KIDINS220: variants seen among roughly 807,000 people sequenced by gnomAD.
KIDINS220 encodes kinase D-interacting substrate of 220 kDa.
Under a neutral mutation model 157.6 loss-of-function variants are expected in KIDINS220, and 63 were observed. The ratio of observed to expected loss-of-function variants is 0.40; its 90% CI spans 0.33 to 0.49. The LOEUF (loss-of-function observed/expected upper bound fraction) is 0.49, where lower values mean the gene tolerates loss of function less well. Ranked by LOEUF, KIDINS220 falls within the 20% of genes least tolerant of loss-of-function variation. KIDINS220 has a pLI of 0.66. For synonymous variants in KIDINS220, 732 were observed against 783.6 expected (o/e 0.93, Z 1.10); for missense variants, 1,772 against 2,171.2 (o/e 0.82, Z 3.65).
intron 6 of KIDINS220, among the ~76,000 whole-genome samples, chr2:8,807,323 C>T (rs1335977344): frequency 6.6e-6 from 1 of 152,178 alleles, no homozygotes; most frequent in Non-Finnish European, 1.5e-5. Flanking sequence ...TCAGCAGACA[C>T]ATGAATGTCC....
At chr2:8,757,869 G>T in intron 22 of KIDINS220, 1 of 1,281,132 alleles carries the variant, frequency 7.8e-7, no homozygotes, top group East Asian at 2.4e-5. Flanking sequence ...TTCTTTGTTG[G>T]TTTTGTTTTT....
intron 1 of KIDINS220, 38 bp from the exon 2 acceptor site, chr2:8,827,167 GA>G: frequency 1.3e-6 from 1 of 787,512 alleles, no homozygotes. Context: ...TTTATAATTA[GA>G]AAAAATTAAG....
At chr2:8,769,489 A>G (rs2148153153) in intron 22 of KIDINS220, among the ~76,000 whole-genome samples, 1 of 152,332 alleles carries the variant, frequency 6.6e-6, no homozygotes, top group South Asian at 2.1e-4. Context: ...TAACAACAAC[A>G]ATCTTGAGGA....
intron 24 of KIDINS220, 88 bp from the exon 25 acceptor site, chr2:8,748,088 A>C: frequency 1.6e-6 from 1 of 634,196 alleles, no homozygotes; most frequent in Non-Finnish European, 2.5e-6. Flanking sequence ...AATAAGATAC[A>C]ACTCCAAAAC....
At chr2:8,751,953 C>T (rs1247668860) in intron 22 of KIDINS220, among the ~76,000 whole-genome samples, 3 of 152,128 alleles carry the variant, frequency 2.0e-5, no homozygotes, top group African/African-American at 7.2e-5. Context: ...GATCCACCCA[C>T]CTCAGTCTCC....
intron 26 of KIDINS220, among the ~76,000 whole-genome samples, chr2:8,740,998 A>G (rs747172825): frequency 2.0e-5 from 3 of 152,176 alleles, no homozygotes; most frequent in East Asian, 1.9e-4. Flanking sequence ...AACATATTCA[A>G]TATCTGGGGC....
rs1433409782 is a variant in KIDINS220, at chr2:8,776,788, G to A, written c.2808C>T (p.Pro936=). The A allele has an allele frequency of 6.2e-7, 1 of 1,613,674 alleles. No homozygotes were observed. The highest frequency in any genetic ancestry group is 1.3e-5 in the African/African-American group (1 of 74,862). Residue 936 remains proline (P), a synonymous_variant, in exon 21 of 30, where the codon CCC becomes CCT. Transcript: ENST00000256707. ...VTEDWFSDIS[P]QTMRRLLNIV... is the part of the protein sequence containing the mutation. ...TATTAAGTAATCTTCTCATGGTCTGGGGACTGATGTCACTGAACCAGTCCT... is the reference window on the plus strand; with the variant it reads ...TATTAAGTAATCTTCTCATGGTCTGAGGACTGATGTCACTGAACCAGTCCT...
chr2:8,769,338 T>C (rs893344526), intron 22 of KIDINS220, among the ~76,000 whole-genome samples: 1 of 152,204 alleles, frequency 6.6e-6, no homozygotes, highest in Non-Finnish European at 1.5e-5. Flanking sequence ...AATATACTAC[T>C]CCTAAACCAA....
At chr2:8,742,454 CA>C (rs1038490224) in intron 26 of KIDINS220, among the ~76,000 whole-genome samples, 1 of 152,004 alleles carries the variant, frequency 6.6e-6, no homozygotes, top group Non-Finnish European at 1.5e-5. Context: ...TAATGAAAAC[CA>C]AGACTTTCAG....
intron 5 of KIDINS220, 42 bp from the exon 6 acceptor site, chr2:8,812,535 A>G: frequency 8.7e-7 from 1 of 1,147,914 alleles, no homozygotes; most frequent in South Asian, 1.7e-5. Flanking sequence ...GATAAGTAGG[A>G]AGGAAGGAAA....
At chr2:8,818,366 ATAT>A (rs886794173) in intron 3 of KIDINS220, among the ~76,000 whole-genome samples, 5 of 152,248 alleles carry the variant, frequency 3.3e-5, no homozygotes, top group African/African-American at 9.6e-5. Context: ...GCATGTAATG[ATAT>A]TATTTATAAT....
At chr2:8,768,963 T>G (rs1316499872) in intron 22 of KIDINS220, among the ~76,000 whole-genome samples, 5 of 152,294 alleles carry the variant, frequency 3.3e-5, no homozygotes, top group Non-Finnish European at 5.9e-5. Flanking sequence ...TCTTTGTAAG[T>G]AGTTGCAGGC....
chr2:8,792,293 T>C (rs905830953), intron 12 of KIDINS220, among the ~76,000 whole-genome samples: 2 of 152,068 alleles, frequency 1.3e-5, no homozygotes, highest in African/African-American at 4.8e-5. Flanking sequence ...GAATGAGGAA[T>C]AAAAATCCAT....
chr2:8,794,718 C>T (rs1010312302), intron 11 of KIDINS220, among the ~76,000 whole-genome samples: 1 of 152,176 alleles, frequency 6.6e-6, no homozygotes, highest in Non-Finnish European at 1.5e-5. Context: ...AAGTCCTCTT[C>T]GGGCTGCAAA....
intron 8 of KIDINS220, among the ~76,000 whole-genome samples, chr2:8,801,232 T>C (rs1572712861): frequency 6.6e-6 from 1 of 152,240 alleles, no homozygotes; most frequent in South Asian, 2.1e-4. Flanking sequence ...AAATCAGTTG[T>C]AGTCTTTTGT....
intron 20 of KIDINS220, among the ~76,000 whole-genome samples, chr2:8,777,664 C>T (rs1022120358): frequency 8.5e-5 from 13 of 152,078 alleles, no homozygotes; most frequent in South Asian, 2.1e-4. Flanking sequence ...ATCCTCACAT[C>T]GCCACATGAA....
At chr2:8,766,498 T>C (rs1420726087) in intron 22 of KIDINS220, among the ~76,000 whole-genome samples, 1 of 152,222 alleles carries the variant, frequency 6.6e-6, no homozygotes, top group Non-Finnish European at 1.5e-5. Context: ...TTATGTATTA[T>C]ATATGTTGTT....
At chr2:8,752,368 G>T (rs978936068) in intron 22 of KIDINS220, among the ~76,000 whole-genome samples, 1 of 151,774 alleles carries the variant, frequency 6.6e-6, no homozygotes, top group African/African-American at 2.4e-5. Context: ...AAGTAGTATG[G>T]TTACAAAAAA....
chr2:8,790,307 C>T (rs1039673506), intron 13 of KIDINS220, among the ~76,000 whole-genome samples: 1 of 152,156 alleles, frequency 6.6e-6, no homozygotes, highest in Non-Finnish European at 1.5e-5. Context: ...ATGTACAAAA[C>T]CCCTTCTCAT....
Sources: gnomAD v4.1 joint callset for allele counts (sites outside exome capture counted in the v4.1 genomes callset) on GRCh38, gnomAD v4.1.1 for gene constraint, MANE v1.5 for transcripts, NCBI Gene and HGNC (gene_info 2026-07-23, HGNC 2026-07-21) for gene names.